Variants in KMT2E observed in about 807,000 individuals in gnomAD.
KMT2E encodes the protein lysine methyltransferase 2E (inactive), also known as histone reader KMT2E.
A neutral mutation model predicts 184.6 loss-of-function variants in KMT2E; 30 were observed. The ratio of observed to expected loss-of-function variants is 0.16; its 90% CI spans 0.12 to 0.22. The LOEUF is 0.22. Ranked by LOEUF, KMT2E falls within the 10% of genes least tolerant of loss-of-function variation. The probability of loss-of-function intolerance (pLI) is 1.00; values close to 1 mark genes in which losing one functional copy is unlikely to be tolerated. For missense variants in KMT2E, 2,023 were observed against 2,237.4 expected, an observed-to-expected ratio of 0.90 and a Z score of 1.93; for synonymous variants, 815 against 776.5, an observed-to-expected ratio of 1.05 and a Z score of -0.82.
rs776828558 is a variant in KMT2E, at chr7:105,110,459, G to T, written c.3845-18G>T. ...CAGCTCTAATGTTCTCTTTGGGTCT[G>T]CTCTGCTTCATCTCTAGGGGGAGAA... On this transcript the variant is annotated intron_variant, in intron 24 of 26. Transcript: ENST00000311117. 4 of 1,614,076 alleles carry T rather than the reference G, an allele frequency of 2.5e-6. No individual in the cohort carries two copies. The highest frequency in any genetic ancestry group is 3.3e-4 in the Middle Eastern group (2 of 6,062).
Position 105,112,034 on chromosome 7 carries a change from G to C in KMT2E, c.4278G>C (p.Glu1426Asp). The stretch of plus-strand genomic sequence containing the variant: ...AGACACACGTTCGTAATTCATCTGA[G>C]CAACTTTCACAAAAGCTGCCTTCTG... ...PPQTHVRNSS[E>D]QLSQKLPSVP... Residue 1426 changes from glutamate (E) to aspartate (D), a missense_variant, in exon 27 of 27, where the codon GAG (glutamate) becomes GAC (aspartate). Glu to Asp is a conservative substitution (Grantham distance 45, BLOSUM62 2). Coordinates refer to ENST00000311117, the MANE Select transcript of KMT2E (RefSeq NM_182931.3). The C allele has an allele frequency of 6.2e-7, 1 of 1,614,170 alleles. No homozygotes were observed. Among genetic ancestry groups the C allele is most frequent in the Non-Finnish European group, 8.5e-7 (1 of 1,180,026 alleles).
At chr7:105,049,741 A>C (rs1258663294) in intron 3 of KMT2E, among the ~76,000 whole-genome samples, 2 of 152,050 alleles carry the variant, frequency 1.3e-5, no homozygotes, top group Non-Finnish European at 2.9e-5. Context: ...AAATACAAAA[A>C]ATTAGCTGGC....
rs565234708 is a variant in KMT2E at position 105,070,245 on chromosome 7, A to G, written c.498-3374A>G. 1.6e-4 allele frequency among the ~76,000 whole-genome samples: 24 copies of G among 152,218 alleles called. No homozygotes were observed. In the South Asian group the frequency reaches 2.5e-3, roughly 16 times the overall value. On this transcript the variant is annotated intron_variant, in intron 6 of 26. Transcript: ENST00000311117. ...GATTATATGGTAGTTGCATGTTTAG[A>G]TATTTATGATATTGTCAGACTATTT... is the stretch of plus-strand genomic sequence containing the variant.
At position 105,090,221 on chromosome 7, in the gene KMT2E, A is replaced by G. The variant is rs1425138758; in HGVS notation, c.1571A>G (p.Glu524Gly). The G allele has an allele frequency of 1.2e-6, 2 of 1,605,672 alleles. No homozygotes were observed. Among genetic ancestry groups the G allele is most frequent in the Admixed American group, 3.5e-5 (2 of 57,234 alleles). Residue 524 changes from glutamate to glycine, a missense_variant, in exon 14 of 27, where the codon GAA becomes GGA. By Grantham distance (98) the Glu-to-Gly change is moderately conservative (BLOSUM62 -2). This residue lies in a region of KMT2E where 514 missense variants were observed against 621.8 expected (regional missense o/e 0.83). Coordinates refer to ENST00000311117, the MANE Select transcript of KMT2E (RefSeq NM_182931.3). ...EGTTNKMKSP[E>G]TKQRKLSPLR... The stretch of plus-strand genomic sequence containing the variant: ...ACGACCAACAAAATGAAGAGCCCAG[A>G]AACTAAACAAAGAAAGCTTTCTCCA...
rs1339983380 is a variant in KMT2E at position 105,062,263 on chromosome 7, T to A, written c.171T>A (p.Ile57=). The change falls in exon 4 of 27, where the codon ATT becomes ATA. Residue 57 remains isoleucine (I), a synonymous_variant. Coordinates refer to ENST00000311117, the MANE Select transcript of KMT2E (RefSeq NM_182931.3). The part of the protein sequence containing the change: ...TSSSHHSHSY[I]GLPYADHNYG... Reference sequence around the variant, plus strand: ...GCTCACATCATTCACACAGTTACATTGGTTTGCCCTATGCGGTAAGTGTTA... The same window carrying A: ...GCTCACATCATTCACACAGTTACATAGGTTTGCCCTATGCGGTAAGTGTTA... 6.2e-7 allele frequency: 1 copy of A among 1,611,536 alleles called. No homozygotes were observed. Among genetic ancestry groups the A allele is most frequent in the Non-Finnish European group, 8.5e-7 (1 of 1,178,028 alleles).
intron 22 of KMT2E, 177 bp from the exon 23 acceptor site, chr7:105,108,765 G>C (rs1201284029): frequency 8.4e-6 from 5 of 597,742 alleles, no homozygotes; most frequent in Non-Finnish European, 1.5e-5. Flanking sequence ...AATCATCTAA[G>C]TACAATGCCT....
intron 3 of KMT2E, among the ~76,000 whole-genome samples, chr7:105,050,553 C>G (rs1796285874): frequency 1.3e-5 from 2 of 152,178 alleles, no homozygotes; most frequent in African/African-American, 4.8e-5. Context: ...ACTTGGAATT[C>G]TTGATGTTCT....
intron 1 of KMT2E, among the ~76,000 whole-genome samples, chr7:105,034,229 G>A (rs1321540306): frequency 6.6e-6 from 1 of 152,260 alleles, no homozygotes; most frequent in East Asian, 1.9e-4. Context: ...TGACTAGTGT[G>A]TGTGTGTTTG....
chr7:105,112,924 C>T lies in KMT2E; in HGVS notation c.5168C>T (p.Pro1723Leu). The T allele has an allele frequency of 6.2e-7, 1 of 1,613,858 alleles. No homozygotes were observed. Among genetic ancestry groups the T allele is most frequent in the African/African-American group, 1.3e-5 (1 of 74,894 alleles). ...CCCCCACCACCCCCTCCGCCGCCAC[C>T]TTCCAGTGTTTTGGCTTCTGGGCAT... ...SAPPPPPPPP[P>L]SSVLASGHHT... is the part of the protein sequence containing the mutation. Residue 1723 changes from proline to leucine, a missense_variant, in exon 27 of 27, where the codon CCT (proline) becomes CTT (leucine). Physicochemically the swap from Pro to Leu is moderately conservative, Grantham distance 98. This residue lies in a region of KMT2E where 1,108 missense variants were observed against 1,050.9 expected (regional missense o/e 1.05). Transcript: ENST00000311117.
In KMT2E at chr7:105,112,021, G is replaced by C; in HGVS notation, c.4265G>C (p.Arg1422Pro). The change falls in exon 27 of 27, where the codon CGT (arginine) becomes CCT (proline). Residue 1422 changes from arginine to proline, a missense_variant. This residue lies in a region of KMT2E where 1,108 missense variants were observed against 1,050.9 expected (regional missense o/e 1.05). Coordinates refer to ENST00000311117, the MANE Select transcript of KMT2E (RefSeq NM_182931.3). ...AATCATCCTCCTCAGACACACGTTCGTAATTCATCTGAGCAACTTTCACAA... is the reference window on the plus strand; with the variant it reads ...AATCATCCTCCTCAGACACACGTTCCTAATTCATCTGAGCAACTTTCACAA... ...SKNHPPQTHVRNSSEQLSQKL... is the reference protein window; with the variant it reads ...SKNHPPQTHVPNSSEQLSQKL... 1.9e-6 allele frequency: 3 copies of C among 1,614,154 alleles called. No homozygotes were observed. The highest frequency in any genetic ancestry group is 1.7e-5 in the Admixed American group (1 of 60,018).
intron 1 of KMT2E, among the ~76,000 whole-genome samples, chr7:105,028,301 T>G (rs1052816515): frequency 5.3e-5 from 8 of 151,474 alleles, no homozygotes; most frequent in Non-Finnish European, 1.2e-4. Flanking sequence ...CCCGAGTAGG[T>G]GGGACCACAG....
intron 1 of KMT2E, among the ~76,000 whole-genome samples, chr7:105,017,261 G>T (rs1794754043): frequency 1.3e-5 from 2 of 152,236 alleles, no homozygotes; most frequent in African/African-American, 4.8e-5. Context: ...CCTTGGTCAG[G>T]TCTAGACAGA....
intron 1 of KMT2E, among the ~76,000 whole-genome samples, chr7:105,037,366 T>C (rs1795702558): frequency 6.6e-6 from 1 of 152,056 alleles, no homozygotes; most frequent in Non-Finnish European, 1.5e-5. Context: ...TTTTCTTTTT[T>C]TTGTTGTTTT....
chr7:105,020,440 C>CTG (rs1657970990), intron 1 of KMT2E, among the ~76,000 whole-genome samples: 1 of 152,070 alleles, frequency 6.6e-6, no homozygotes, highest in Admixed American at 6.6e-5. Context: ...CAAAAATTAG[C>CTG]TGGGCTTGGT....
At chr7:105,060,419 A>C (rs1212139918) in intron 3 of KMT2E, among the ~76,000 whole-genome samples, 1 of 150,558 alleles carries the variant, frequency 6.6e-6, no homozygotes, top group Non-Finnish European at 1.5e-5. Flanking sequence ...TTGTTTTTTT[A>C]CTGTACATGT....
chr7:105,110,043 C>T (rs1226063180), intron 23 of KMT2E, among the ~76,000 whole-genome samples: 1 of 152,010 alleles, frequency 6.6e-6, no homozygotes, highest in African/African-American at 2.4e-5. Context: ...CCATGCTGGC[C>T]AGGCTGGTCT....
chr7:105,115,007 A>G lies in KMT2E; in HGVS notation c.*1674A>G, dbSNP rs1799546155. Among the ~76,000 whole-genome samples, 1 of 152,240 alleles carries G rather than the reference A, an allele frequency of 6.6e-6. No individual in the cohort carries two copies. Among genetic ancestry groups the G allele is most frequent in the African/African-American group, 2.4e-5 (1 of 41,466 alleles). Reference sequence around the variant, plus strand: ...GGTAACTAGCATGTGAAATAAAAATATTCTTCTTAAAAGGTTTGTCCTTCT... The same window carrying G: ...GGTAACTAGCATGTGAAATAAAAATGTTCTTCTTAAAAGGTTTGTCCTTCT... On this transcript the variant is annotated 3_prime_UTR_variant, in exon 27 of 27. Transcript: ENST00000311117.
At chr7:105,025,313 T>G (rs1372795464) in intron 1 of KMT2E, among the ~76,000 whole-genome samples, 1 of 152,162 alleles carries the variant, frequency 6.6e-6, no homozygotes, top group African/African-American at 2.4e-5. Context: ...GCCTATTTCA[T>G]AGTGTGGTTT....
chr7:105,083,849 A>G lies in KMT2E; in HGVS notation c.1358+2052A>G, dbSNP rs186528901. On this transcript the variant is annotated intron_variant, in intron 13 of 26. Transcript: ENST00000311117. ...CCTCTTATTCAGCAGAAGTGGCTTT[A>G]CCTGTTAAGCTAGACCTCTTTTTAA... Among the ~76,000 whole-genome samples, 8 of 152,290 alleles carry G rather than the reference A, an allele frequency of 5.3e-5. No individual in the cohort carries two copies. In the East Asian group the frequency reaches 1.5e-3, roughly 29 times the overall value.
Sources: gnomAD v4.1 joint callset for allele counts (sites outside exome capture counted in the v4.1 genomes callset) on GRCh38, gnomAD v4.1.1 for gene constraint, gnomAD v4.1.1 regional missense constraint, MANE v1.5 for transcripts, NCBI Gene and HGNC (gene_info 2026-07-23, HGNC 2026-07-21) for gene names.